The following CCDC192 variants were observed in gnomAD, a reference collection of about 807,000 sequenced individuals.
The protein encoded by CCDC192 is coiled-coil domain-containing protein 192.
intron 2 of CCDC192, among the ~76,000 whole-genome samples, chr5:127,739,011 T>C (rs905444530): frequency 6.6e-6 from 1 of 152,076 alleles, no homozygotes; most frequent in Non-Finnish European, 1.5e-5. Flanking sequence ...GCGCTCTGCT[T>C]TTTAGAGTTT....
chr5:127,861,126 A>G (rs1024030206), intron 5 of CCDC192, among the ~76,000 whole-genome samples: 7 of 151,850 alleles, frequency 4.6e-5, no homozygotes, highest in African/African-American at 1.7e-4. Context: ...CTCCTTCCTC[A>G]GCCTCCCAAG....
At chr5:127,876,499 A>C (rs924983627) in intron 6 of CCDC192, among the ~76,000 whole-genome samples, 1 of 152,156 alleles carries the variant, frequency 6.6e-6, no homozygotes, top group African/African-American at 2.4e-5. Context: ...ACCATACCCT[A>C]GTGTGCCTTT....
At position 127,832,122 on chromosome 5, in the gene CCDC192, C is replaced by A. The variant is rs977142702; in HGVS notation, c.411+33960C>A. Among the ~76,000 whole-genome samples the A allele has an allele frequency of 4.5e-4, 69 of 152,202 alleles. 1 individual carries two copies. Among genetic ancestry groups the A allele is most frequent in the African/African-American group, 1.6e-3 (68 of 41,524 alleles). On this transcript the variant is annotated intron_variant, in intron 5 of 6. Coordinates refer to ENST00000514853, the MANE Select transcript of CCDC192 (RefSeq NM_001317938.2). ...GAGAAAGCAAAAGTTACAAATAAAA[C>A]TGAATAGCTAGTAAATACATGAAAA...
intron 2 of CCDC192, among the ~76,000 whole-genome samples, chr5:127,724,072 A>T (rs1384901660): frequency 6.6e-6 from 1 of 152,214 alleles, no homozygotes; most frequent in Non-Finnish European, 1.5e-5. Flanking sequence ...TTAACACAGA[A>T]AGATGACAAG....
intron 6 of CCDC192, among the ~76,000 whole-genome samples, chr5:127,887,328 C>CAGA (rs1752596760): frequency 1.1e-5 from 1 of 87,604 alleles, no homozygotes; most frequent in African/African-American, 4.7e-5. Context: ...GACTCTGTCT[C>CAGA]AAAAAAAAAA....
chr5:127,754,756 T>C (rs945939777), intron 3 of CCDC192, among the ~76,000 whole-genome samples: 1 of 152,236 alleles, frequency 6.6e-6, no homozygotes, highest in African/African-American at 2.4e-5. Context: ...AAATAAAGCC[T>C]ATTGGAGCCA....
intron 3 of CCDC192, among the ~76,000 whole-genome samples, chr5:127,772,419 A>G (rs1321825454): frequency 6.6e-6 from 1 of 150,618 alleles, no homozygotes; most frequent in African/African-American, 2.5e-5. Flanking sequence ...GTGAGCCAAG[A>G]TCACACCACT....
intron 6 of CCDC192, among the ~76,000 whole-genome samples, chr5:127,917,682 T>C (rs1198792349): frequency 6.6e-6 from 1 of 152,204 alleles, no homozygotes; most frequent in Admixed American, 6.5e-5. Context: ...TCCTGTCTTA[T>C]ATGGGTGCAG....
chr5:127,775,761 A>C (rs1182414042), intron 3 of CCDC192, among the ~76,000 whole-genome samples: 2 of 152,196 alleles, frequency 1.3e-5, no homozygotes, highest in Non-Finnish European at 2.9e-5. Context: ...AGATAATTGA[A>C]TTATGAGGGC....
chr5:127,751,930 T>C (rs994676357), intron 2 of CCDC192, among the ~76,000 whole-genome samples: 2 of 152,146 alleles, frequency 1.3e-5, no homozygotes, highest in African/African-American at 2.4e-5. Context: ...TTCTGCATTC[T>C]TCACGTAGTT....
At chr5:127,827,485 A>G (rs957269683) in intron 5 of CCDC192, among the ~76,000 whole-genome samples, 1 of 152,190 alleles carries the variant, frequency 6.6e-6, no homozygotes, top group Admixed American at 6.5e-5. Flanking sequence ...CTAATGGTGA[A>G]TGATTAGCCT....
At chr5:127,759,857 A>C (rs1754814197) in intron 3 of CCDC192, among the ~76,000 whole-genome samples, 1 of 151,978 alleles carries the variant, frequency 6.6e-6, no homozygotes, top group African/African-American at 2.4e-5. Context: ...TCATCTCTTC[A>C]TCTGGTAAAG....
At chr5:127,801,226 A>T (rs576616963) in intron 5 of CCDC192, among the ~76,000 whole-genome samples, 21 of 151,880 alleles carry the variant, frequency 1.4e-4, no homozygotes, top group Non-Finnish European at 2.2e-4. Context: ...GGAATAAGAG[A>T]TGAGAGTTCT....
chr5:127,780,191 G>T (rs1363279255), intron 3 of CCDC192, among the ~76,000 whole-genome samples: 2 of 151,582 alleles, frequency 1.3e-5, no homozygotes, highest in African/African-American at 4.9e-5. Flanking sequence ...ATATATCACA[G>T]TTTCTTTATC....
intron 3 of CCDC192, among the ~76,000 whole-genome samples, chr5:127,780,757 C>G (rs890884632): frequency 1.3e-5 from 2 of 152,136 alleles, no homozygotes; most frequent in Admixed American, 1.3e-4. Flanking sequence ...TGAAGATTTT[C>G]TCCCACTCTG....
chr5:127,737,089 A>G (rs982728327), intron 2 of CCDC192, among the ~76,000 whole-genome samples: 2 of 151,046 alleles, frequency 1.3e-5, no homozygotes, highest in Non-Finnish European at 2.9e-5. Context: ...TTCCCTCTAC[A>G]CATTGCTTTG....
chr5:127,914,415 T>TAATAAG (rs532165896), intron 6 of CCDC192, among the ~76,000 whole-genome samples: 2 of 152,210 alleles, frequency 1.3e-5, no homozygotes, highest in African/African-American at 2.4e-5. Flanking sequence ...AATATAATAA[T>TAATAAG]ATTTACACCA....
chr5:127,905,426 T>G (rs1275218876), intron 6 of CCDC192, among the ~76,000 whole-genome samples: 1 of 152,230 alleles, frequency 6.6e-6, no homozygotes, highest in Non-Finnish European at 1.5e-5. Context: ...CATCATATAA[T>G]GATGAATTTT....
At chr5:127,858,279 G>A (rs1407138640) in intron 5 of CCDC192, among the ~76,000 whole-genome samples, 1 of 152,050 alleles carries the variant, frequency 6.6e-6, no homozygotes, top group Non-Finnish European at 1.5e-5. Context: ...CTCTCTGCCC[G>A]AGGCCCTCTG....
Sources: allele counts gnomAD v4.1 joint callset (sites outside exome capture counted in the v4.1 genomes callset), GRCh38; gene constraint gnomAD v4.1.1; transcripts MANE v1.5; gene names NCBI Gene and HGNC (gene_info 2026-07-23, HGNC 2026-07-21).